TACC2: variants seen among roughly 807,000 people sequenced by gnomAD.
TACC2 encodes transforming acidic coiled-coil containing protein 2.
A neutral mutation model predicts 227.3 loss-of-function variants in TACC2; 137 were observed. The observed-to-expected ratio is 0.60, with a 90% CI of 0.52 to 0.69. The LOEUF (loss-of-function observed/expected upper bound fraction) is 0.69. Among genes scored for constraint, TACC2 ranks in the 30% least tolerant of loss-of-function variants. The pLI, the probability that TACC2 is intolerant of heterozygous loss-of-function variation, is 0.00. For missense variants in TACC2, 3,470 were observed against 3,694.4 expected (o/e 0.94, Z 1.57); for synonymous variants, 1,523 against 1,487.5 (o/e 1.02, Z -0.55).
chr10:122,087,989 T>C, intron 4 of TACC2, 30 bp downstream of exon 4: 1 of 1,493,062 alleles, frequency 6.7e-7, no homozygotes, highest in Non-Finnish European at 8.9e-7. Flanking sequence ...CCCACGGGAA[T>C]GTGTGGTCAG....
intron 1 of TACC2, among the ~76,000 whole-genome samples, chr10:122,014,907 G>C (rs1591053624): frequency 2.6e-5 from 4 of 152,290 alleles, no homozygotes; most frequent in African/African-American, 9.6e-5. Context: ...CCAACAACTA[G>C]AAAGCCATGC....
chr10:122,012,904 G>A (rs1305315297), intron 1 of TACC2, among the ~76,000 whole-genome samples: 2 of 152,190 alleles, frequency 1.3e-5, no homozygotes, highest in African/African-American at 4.8e-5. Flanking sequence ...GGGTGAAGCA[G>A]TGGGCCACGG....
chr10:122,226,946 G>A (rs1458318338), intron 13 of TACC2, among the ~76,000 whole-genome samples: 1 of 152,156 alleles, frequency 6.6e-6, no homozygotes, highest in South Asian at 2.1e-4. Flanking sequence ...AATCCCACCT[G>A]TACCCCCTCC....
intron 7 of TACC2, among the ~76,000 whole-genome samples, chr10:122,172,874 G>A (rs2093544005): frequency 6.6e-6 from 1 of 152,104 alleles, no homozygotes; most frequent in Non-Finnish European, 1.5e-5. Context: ...TGGCATTCTG[G>A]CCTGTGTGTG....
At chr10:122,156,050 G>A (rs1281908701) in intron 7 of TACC2, among the ~76,000 whole-genome samples, 1 of 151,476 alleles carries the variant, frequency 6.6e-6, no homozygotes, top group African/African-American at 2.4e-5. Flanking sequence ...TGTTAGCCAG[G>A]ATGGTCTTGA....
intron 9 of TACC2, among the ~76,000 whole-genome samples, chr10:122,214,242 A>G (rs576985806): frequency 3.9e-4 from 59 of 152,348 alleles, no homozygotes; most frequent in Admixed American, 1.4e-3. Flanking sequence ...CTTAGCAACT[A>G]TAAAATATAT....
At chr10:122,063,473 G>T (rs890779218) in intron 3 of TACC2, among the ~76,000 whole-genome samples, 2 of 152,214 alleles carry the variant, frequency 1.3e-5, no homozygotes, top group Admixed American at 6.5e-5. Flanking sequence ...TGAAAAGGAA[G>T]ATCATGTGCT....
At chr10:122,105,944 C>CTCTGTG (rs370608973) in intron 5 of TACC2, among the ~76,000 whole-genome samples, 4 of 145,266 alleles carry the variant, frequency 2.8e-5, no homozygotes, top group African/African-American at 1.0e-4. Flanking sequence ...TTTTCTCTCT[C>CTCTGTG]TGTGTGTGTG....
intron 1 of TACC2, among the ~76,000 whole-genome samples, chr10:122,006,051 T>A (rs1213293227): frequency 6.6e-6 from 1 of 152,224 alleles, no homozygotes; most frequent in East Asian, 1.9e-4. Flanking sequence ...ACAGCTTGGC[T>A]GGATATAAAA....
chr10:122,199,984 A>G (rs919299336), intron 8 of TACC2, among the ~76,000 whole-genome samples: 3 of 152,182 alleles, frequency 2.0e-5, no homozygotes, highest in Admixed American at 1.3e-4. Flanking sequence ...TGATACCATC[A>G]CCTTATATGA....
chr10:122,097,798 C>T (rs982138185), intron 5 of TACC2, among the ~76,000 whole-genome samples: 1 of 152,102 alleles, frequency 6.6e-6, no homozygotes, highest in Non-Finnish European at 1.5e-5. Context: ...CACGGCACAC[C>T]CGACACAAAG....
intron 7 of TACC2, chr10:122,163,960 C>T: frequency 6.3e-7 from 1 of 1,589,468 alleles, no homozygotes; most frequent in Non-Finnish European, 8.6e-7. Context: ...CAGCCCCAGC[C>T]AGCGACCTGA....
chr10:122,041,092 C>T (rs1046273038), intron 2 of TACC2, among the ~76,000 whole-genome samples: 4 of 152,192 alleles, frequency 2.6e-5, no homozygotes, highest in African/African-American at 4.8e-5. Context: ...GTATGCGAGC[C>T]GTCCCCAGGG....
rs765313097 is a variant in TACC2 at position 122,085,438 on chromosome 10, A to G, written c.2938A>G (p.Arg980Gly). The change falls in exon 4 of 23, where the codon AGA becomes GGA. Residue 980 changes from arginine (R) to glycine (G), a missense_variant. Around this residue, in one of 10 missense-constraint regions of TACC2, gnomAD observed 1,924 missense variants for 1,978.3 expected, o/e 0.97. Coordinates refer to ENST00000369005, the MANE Select transcript of TACC2 (RefSeq NM_206862.4). The stretch of plus-strand genomic sequence containing the variant: ...CTTTTCTCTTGCAGGGAACTTCAGC[A>G]GAAAGGAAACTTGCTGCACTGGGCA... The part of the protein sequence containing the change: ...KDFSLAGNFS[R>G]KETCCTGQGP... The G allele has an allele frequency of 6.2e-7, 1 of 1,613,884 alleles. No homozygotes were observed. Among genetic ancestry groups the G allele is most frequent in the South Asian group, 1.1e-5 (1 of 91,088 alleles).
At chr10:122,026,953 G>C (rs1334474152) in intron 2 of TACC2, among the ~76,000 whole-genome samples, 1 of 152,278 alleles carries the variant, frequency 6.6e-6, no homozygotes, top group East Asian at 1.9e-4. Context: ...TGCAGACATT[G>C]TTTTCAGCTC....
chr10:122,155,860 C>T (rs2092432235), intron 7 of TACC2, among the ~76,000 whole-genome samples: 1 of 109,166 alleles, frequency 9.2e-6, no homozygotes, highest in Admixed American at 1.3e-4. Context: ...TTTTTTGAGA[C>T]TGAGTCTCAC....
At chr10:122,076,140 A>G (rs1004790823) in intron 3 of TACC2, among the ~76,000 whole-genome samples, 1 of 152,088 alleles carries the variant, frequency 6.6e-6, no homozygotes, top group African/African-American at 2.4e-5. Flanking sequence ...GTCCAAGGGC[A>G]AGGGGCTGCT....
chr10:122,163,606 A>G (rs2092958347), intron 7 of TACC2: 1 of 1,013,526 alleles, frequency 9.9e-7, no homozygotes, highest in Non-Finnish European at 1.2e-6. Flanking sequence ...GGTTTAAGAG[A>G]AGAGCCTTTC....
chr10:122,064,994 G>A (rs771984539), intron 3 of TACC2, among the ~76,000 whole-genome samples: 16 of 152,136 alleles, frequency 1.1e-4, no homozygotes, highest in Non-Finnish European at 1.6e-4. Flanking sequence ...CCATTGATTG[G>A]TTTTGACAGA....
Sources: gnomAD v4.1 joint callset for allele counts (sites outside exome capture counted in the v4.1 genomes callset) on GRCh38, gnomAD v4.1.1 for gene constraint, gnomAD v4.1.1 regional missense constraint, MANE v1.5 for transcripts, NCBI Gene and HGNC (gene_info 2026-07-23, HGNC 2026-07-21) for gene names.